Variants in INSYN2A observed in about 807,000 individuals in gnomAD.
INSYN2A encodes family with sequence similarity 196 member A.
Under a neutral mutation model 39.4 loss-of-function variants are expected in INSYN2A, and 17 were observed. That is an observed-to-expected ratio of 0.43 (90% CI 0.30 to 0.65). INSYN2A has a LOEUF of 0.65. INSYN2A is among the 30% of genes least tolerant of loss of function. INSYN2A has a pLI of 0.14. For synonymous variants in INSYN2A, 255 were observed against 265.7 expected (o/e 0.96, Z 0.39); for missense variants, 595 against 631.2 (o/e 0.94, Z 0.61).
rs1487737828 is a variant in INSYN2A at position 127,137,046 on chromosome 10, ATT to A, written c.*789_*790del. On this transcript the variant is annotated 3_prime_UTR_variant, in exon 6 of 6. Transcript: ENST00000522781. ...TTATTTGGCCTTTGGGTACCAAAAGATTAAAAATGAGATCTAAGAAAACTTAG... is the reference window on the plus strand; with the variant it reads ...TTATTTGGCCTTTGGGTACCAAAAGAAAAAATGAGATCTAAGAAAACTTAG... The A allele has an allele frequency of 6.6e-6, 1 of 152,626 alleles. No homozygotes were observed. The highest frequency in any genetic ancestry group is 1.5e-5 in the Non-Finnish European group (1 of 68,036). 9.5% of individuals were successfully genotyped at this position (152,626 alleles called of 1,614,324 possible). A position where few individuals can be genotyped will look rare whatever the true frequency, so the allele number is the denominator to read the frequency against.
At chr10:127,155,449 C>T (rs1196951013) in intron 4 of INSYN2A, among the ~76,000 whole-genome samples, 1 of 152,156 alleles carries the variant, frequency 6.6e-6, no homozygotes, top group Non-Finnish European at 1.5e-5. Flanking sequence ...TACAGTATGG[C>T]TGTCTCTATC....
chr10:127,152,135 A>G (rs2052557349), intron 5 of INSYN2A, among the ~76,000 whole-genome samples: 1 of 152,198 alleles, frequency 6.6e-6, no homozygotes, highest in African/African-American at 2.4e-5. Context: ...TAAAGACGGT[A>G]TGAGCTTTAG....
At chr10:127,140,198 A>G (rs2051089865) in intron 5 of INSYN2A, among the ~76,000 whole-genome samples, 2 of 152,178 alleles carry the variant, frequency 1.3e-5, no homozygotes, top group South Asian at 2.1e-4. Flanking sequence ...CCATTAAGCA[A>G]CTACACTGGG....
At chr10:127,170,881 A>G (rs1210302558) in intron 4 of INSYN2A, among the ~76,000 whole-genome samples, 1 of 152,226 alleles carries the variant, frequency 6.6e-6, no homozygotes, top group East Asian at 1.9e-4. Context: ...CATTCATGCA[A>G]GCCCGCACTG....
At chr10:127,144,405 C>T (rs1157115771) in intron 5 of INSYN2A, among the ~76,000 whole-genome samples, 1 of 152,162 alleles carries the variant, frequency 6.6e-6, no homozygotes, top group Non-Finnish European at 1.5e-5. Flanking sequence ...TAGCTGTCTT[C>T]CCCCAGGTCT....
intron 5 of INSYN2A, among the ~76,000 whole-genome samples, chr10:127,144,562 G>A (rs1287644343): frequency 6.6e-6 from 1 of 152,162 alleles, no homozygotes; most frequent in Non-Finnish European, 1.5e-5. Flanking sequence ...TCTAATCTCA[G>A]CAAAGTGCTG....
chr10:127,187,551 T>G (rs1284222907), intron 2 of INSYN2A, among the ~76,000 whole-genome samples: 1 of 152,036 alleles, frequency 6.6e-6, no homozygotes, highest in East Asian at 1.9e-4. Flanking sequence ...GTGTGTGGGT[T>G]TTTAAAGAGA....
rs571960920 is a variant in INSYN2A, at chr10:127,176,935, G to T, written c.-64C>A. ...AGAGCCCTCCGAGGAGGAACGGAAA[G>T]AAATCTATTTGCGTGAGCCGTTATG... is the stretch of plus-strand genomic sequence containing the variant. On this transcript the variant is annotated 5_prime_UTR_variant, in exon 3 of 6. Transcript: ENST00000522781. This position sits in a 1 kb window ranked among gnomAD's most constrained non-coding sequence, Gnocchi z 4.4. 537 of 152,868 alleles carry T rather than the reference G, an allele frequency of 3.5e-3. 2 individuals are homozygous for T. Among genetic ancestry groups the T allele is most frequent in the Non-Finnish European group, 3.7e-3 (252 of 68,526 alleles). The allele number at this position is 152,868 out of a possible 1,614,324, so 9.5% of individuals were successfully genotyped here. A position where few individuals can be genotyped will look rare whatever the true frequency, so the allele number is the denominator to read the frequency against.
chr10:127,176,660 TC>T lies in INSYN2A; in HGVS notation c.-6+216del, dbSNP rs2055190772. Among the ~76,000 whole-genome samples the T allele has an allele frequency of 6.6e-6, 1 of 152,164 alleles. No individual in the cohort carries two copies. Among genetic ancestry groups the T allele is most frequent in the Non-Finnish European group, 1.5e-5 (1 of 68,034 alleles). ...TTTCCTTTTGACAGTAATGCATGTT[TC>T]CCCATTAGACAAACCTGTTTTACTA... On this transcript the variant is annotated intron_variant, in intron 3 of 5. Coordinates refer to ENST00000522781, the MANE Select transcript of INSYN2A (RefSeq NM_001039762.3). The surrounding 1 kb of genome is among the most constrained non-coding windows in gnomAD (Gnocchi z 4.4).
chr10:127,137,554 G>A lies in INSYN2A; in HGVS notation c.*283C>T, dbSNP rs1327357080. On this transcript the variant is annotated 3_prime_UTR_variant, in exon 6 of 6. Transcript: ENST00000522781. Reference sequence around the variant, plus strand: ...AATGTATTACTTGCAGATCGGGGGTGGGGGAAAATTTTTACTTATCATCTT... The same window carrying A: ...AATGTATTACTTGCAGATCGGGGGTAGGGGAAAATTTTTACTTATCATCTT... The A allele has an allele frequency of 1.2e-5, 4 of 324,634 alleles. No homozygotes were observed. The highest frequency in any genetic ancestry group is 2.2e-5 in the Non-Finnish European group (4 of 178,356). 20.1% of individuals were successfully genotyped at this position (324,634 alleles called of 1,614,324 possible). A position where few individuals can be genotyped will look rare whatever the true frequency, so the allele number is the denominator to read the frequency against.
At chr10:127,138,866 C>T (rs932698845) in intron 5 of INSYN2A, among the ~76,000 whole-genome samples, 4 of 152,222 alleles carry the variant, frequency 2.6e-5, no homozygotes, top group Admixed American at 1.3e-4. Context: ...AGAGCCCTCT[C>T]GTCTCCATGT....
In INSYN2A at chr10:127,176,328, C is replaced by A; in HGVS notation, c.68G>T (p.Cys23Phe). 6.2e-7 allele frequency: 1 copy of A among 1,613,966 alleles called. No homozygotes were observed. Among genetic ancestry groups the A allele is most frequent in the Non-Finnish European group, 8.5e-7 (1 of 1,179,982 alleles). Reference sequence around the variant, plus strand: ...GGCGTATTTCATCTCCAGGGCCAGGCAGGCGGCGGGTTCCACTTCACTCTC... The same window carrying A: ...GGCGTATTTCATCTCCAGGGCCAGGAAGGCGGCGGGTTCCACTTCACTCTC... ...TSESEVEPAA[C>F]LALEMKYALD... The change falls in exon 4 of 6, where the codon TGC becomes TTC. Residue 23 changes from cysteine to phenylalanine, a missense_variant. This residue lies in a region of INSYN2A where 478 missense variants were observed against 467.4 expected (regional missense o/e 1.02). Coordinates refer to ENST00000522781, the MANE Select transcript of INSYN2A (RefSeq NM_001039762.3). The surrounding 1 kb of genome is among the most constrained non-coding windows in gnomAD (Gnocchi z 4.4).
intron 4 of INSYN2A, 92 bp from the exon 5 acceptor site, chr10:127,154,015 G>T: frequency 1.2e-6 from 1 of 843,364 alleles, no homozygotes; most frequent in Non-Finnish European, 2.0e-6. Context: ...CCTTCCCAAT[G>T]CCAAGCTCAT....
chr10:127,186,505 CCGCCCCCCCG>C (rs138346090), intron 2 of INSYN2A, among the ~76,000 whole-genome samples: 9,686 of 18,122 alleles, frequency 0.53, 3,468 homozygotes, highest in Non-Finnish European at 0.73. Context: ...ATGGGAGAAA[CCGCCCCCCCG>C]CCCCCCCCCG....
At position 127,196,213 on chromosome 10, in the gene INSYN2A, T is replaced by C. The variant is rs1314360834; in HGVS notation, c.-611A>G. The C allele has an allele frequency of 6.7e-6, 1 of 149,070 alleles. No homozygotes were observed. The highest frequency in any genetic ancestry group is 2.4e-5 in the African/African-American group (1 of 40,910). 9.2% of individuals were successfully genotyped at this position (149,070 alleles called of 1,614,324 possible). ...TCCACCGCTGCCGGCCCGGCCCTGC[T>C]GGCCCGGCCGGCCCCCGCGCCGCAG... On this transcript the variant is annotated 5_prime_UTR_variant, in exon 1 of 6. Transcript: ENST00000522781.
intron 1 of INSYN2A, 132 bp downstream of exon 1, chr10:127,195,865 C>T (rs2057095002): frequency 6.6e-6 from 1 of 152,294 alleles, no homozygotes; most frequent in African/African-American, 2.4e-5. Context: ...CGCCGAGTTT[C>T]CGGCCAAGCC....
intron 4 of INSYN2A, among the ~76,000 whole-genome samples, chr10:127,173,129 A>T (rs2054737555): frequency 6.6e-6 from 1 of 151,898 alleles, no homozygotes. Context: ...CCCCTGCTCC[A>T]GCATTGCTGG....
chr10:127,177,558 G>A (rs1400178447), intron 2 of INSYN2A, among the ~76,000 whole-genome samples: 2 of 152,328 alleles, frequency 1.3e-5, no homozygotes, highest in East Asian at 3.9e-4. Flanking sequence ...TACGGGGCCC[G>A]AGTGGCTGGA....
chr10:127,186,435 A>T, intron 2 of INSYN2A, among the ~76,000 whole-genome samples: 1 of 149,050 alleles, frequency 6.7e-6, no homozygotes, highest in Non-Finnish European at 1.5e-5. Context: ...GCTCTCCTTA[A>T]CACATCCGAT....
Sources: allele counts gnomAD v4.1 joint callset (sites outside exome capture counted in the v4.1 genomes callset), GRCh38; gene constraint gnomAD v4.1.1; regional missense constraint gnomAD v4.1.1; non-coding constraint Gnocchi (gnomAD v3.1); transcripts MANE v1.5; gene names NCBI Gene and HGNC (gene_info 2026-07-23, HGNC 2026-07-21).